Variants in AGK observed in about 807,000 individuals in gnomAD.
AGK encodes the protein acylglycerol kinase.
Under a neutral mutation model 66.4 loss-of-function variants are expected in AGK, and 52 were observed. That is an observed-to-expected ratio of 0.78 (90% CI 0.63 to 0.99). The LOEUF is 0.99. Ranked by LOEUF, AGK falls within the 50% of genes least tolerant of loss-of-function variation. The probability of loss-of-function intolerance (pLI) is 0.00; values close to 1 mark genes in which losing one functional copy is unlikely to be tolerated. For missense variants in AGK, 451 were observed against 506.6 expected, an observed-to-expected ratio of 0.89 and a Z score of 1.05; for synonymous variants, 182 against 181.1, an observed-to-expected ratio of 1.00 and a Z score of -0.04.
At chr7:141,628,545 G>A (rs1458625144) in intron 9 of AGK, among the ~76,000 whole-genome samples, 1 of 152,050 alleles carries the variant, frequency 6.6e-6, no homozygotes, top group Non-Finnish European at 1.5e-5. Flanking sequence ...TATATCTGAC[G>A]ATTCTCCATA....
intron 8 of AGK, among the ~76,000 whole-genome samples, chr7:141,618,640 T>G (rs1387014948): frequency 6.6e-6 from 1 of 152,170 alleles, no homozygotes; most frequent in Non-Finnish European, 1.5e-5. Flanking sequence ...AGAAAAGTTT[T>G]TTTTGTTTGT....
At chr7:141,649,232 G>A (rs1164635438) in intron 13 of AGK, 31 bp from the exon 14 acceptor site, 22 of 1,534,014 alleles carry the variant, frequency 1.4e-5, no homozygotes, top group Non-Finnish European at 2.0e-5. Flanking sequence ...AATTTTAAGA[G>A]TAATGACGTT....
chr7:141,636,963 C>T lies in AGK; in HGVS notation c.672C>T (p.Tyr224=), dbSNP rs771945804. Residue 224 remains tyrosine (Y), a synonymous_variant, in exon 11 of 16, where the codon TAC becomes TAT. Transcript: ENST00000649286. ...FRDAGVKVSK[Y]WYLGPLKIKA... ...TTTTATCTTGGTCTTTTCACAGGTA[C>T]TGGTATCTTGGGCCTCTAAAAATCA... 6.2e-7 allele frequency: 1 copy of T among 1,611,906 alleles called. No homozygotes were observed. Among genetic ancestry groups the T allele is most frequent in the African/African-American group, 1.3e-5 (1 of 74,940 alleles).
intron 5 of AGK, among the ~76,000 whole-genome samples, chr7:141,602,496 T>G (rs1168964847): frequency 6.6e-6 from 1 of 152,164 alleles, no homozygotes; most frequent in Non-Finnish European, 1.5e-5. Flanking sequence ...TCATAATATC[T>G]TCTATTTAAC....
chr7:141,572,645 A>G (rs915223428), intron 2 of AGK, among the ~76,000 whole-genome samples: 17 of 152,216 alleles, frequency 1.1e-4, no homozygotes, highest in African/African-American at 4.1e-4. Context: ...GACTGGGCAT[A>G]TGATTGAAGG....
chr7:141,572,717 TAAG>T (rs924494698), intron 2 of AGK, among the ~76,000 whole-genome samples: 3 of 152,154 alleles, frequency 2.0e-5, no homozygotes, highest in Middle Eastern at 6.8e-3. Context: ...GATATAGAAA[TAAG>T]AAAGTTGCCA....
At chr7:141,632,092 G>A (rs1323562014) in intron 9 of AGK, among the ~76,000 whole-genome samples, 2 of 152,000 alleles carry the variant, frequency 1.3e-5, no homozygotes, top group South Asian at 2.1e-4. Context: ...TTAGCTGGGC[G>A]TGGTGGCGTG....
intron 10 of AGK, 36 bp downstream of exon 10, chr7:141,634,016 A>T (rs560433337): frequency 1.8e-5 from 28 of 1,551,580 alleles, no homozygotes; most frequent in Middle Eastern, 3.4e-4. Flanking sequence ...GATGTTTTTT[A>T]AAAAAATCTT....
intron 2 of AGK, among the ~76,000 whole-genome samples, chr7:141,571,709 A>G (rs980948910): frequency 6.6e-6 from 1 of 152,166 alleles, no homozygotes; most frequent in African/African-American, 2.4e-5. Flanking sequence ...GCCCAATAGT[A>G]TGGATTTGAA....
At chr7:141,624,016 A>G (rs1562976957) in intron 9 of AGK, among the ~76,000 whole-genome samples, 1 of 152,102 alleles carries the variant, frequency 6.6e-6, no homozygotes, top group African/African-American at 2.4e-5. Context: ...ACATCTGTTT[A>G]CAGCATAGTT....
At chr7:141,561,983 G>A (rs1281737061) in intron 2 of AGK, 2 of 452,630 alleles carry the variant, frequency 4.4e-6, no homozygotes, top group Non-Finnish European at 8.9e-6. Context: ...TGGTGCTGGG[G>A]AATGTCTGAA....
chr7:141,587,071 C>A (rs1422197218), intron 2 of AGK, among the ~76,000 whole-genome samples: 1 of 152,218 alleles, frequency 6.6e-6, no homozygotes, highest in Non-Finnish European at 1.5e-5. Flanking sequence ...AGCTCAGTTT[C>A]CTCTCTCTCA....
At chr7:141,617,236 A>G (rs911015566) in intron 8 of AGK, among the ~76,000 whole-genome samples, 1 of 152,060 alleles carries the variant, frequency 6.6e-6, no homozygotes, top group Non-Finnish European at 1.5e-5. Context: ...CCAAGGGTAG[A>G]CCATTTTCCT....
At position 141,652,925 on chromosome 7, in the gene AGK, G is replaced by A. The variant is rs1797600598; in HGVS notation, c.*1G>A. 1 of 1,613,902 alleles carries A rather than the reference G, an allele frequency of 6.2e-7. No individual in the cohort carries two copies. The highest frequency in any genetic ancestry group is 1.1e-5 in the South Asian group (1 of 91,064). On this transcript the variant is annotated 3_prime_UTR_variant, in exon 16 of 16. Coordinates refer to ENST00000649286, the MANE Select transcript of AGK (RefSeq NM_018238.4). ...GATGCTCACAAGCCCCACCCAGTGAGCAGCAGAAGACAAGCACTCTGAGAC... is the reference window on the plus strand; with the variant it reads ...GATGCTCACAAGCCCCACCCAGTGAACAGCAGAAGACAAGCACTCTGAGAC...
At chr7:141,648,375 G>A (rs905023994) in intron 13 of AGK, among the ~76,000 whole-genome samples, 5 of 152,170 alleles carry the variant, frequency 3.3e-5, no homozygotes, top group Admixed American at 1.3e-4. Context: ...GGTTCATGGT[G>A]CATGACTGGC....
At chr7:141,561,085 G>A (rs756180722) in intron 2 of AGK, among the ~76,000 whole-genome samples, 20 of 152,142 alleles carry the variant, frequency 1.3e-4, no homozygotes, top group South Asian at 6.2e-4. Flanking sequence ...GAGCCACCGC[G>A]CCCGGCCCAT....
chr7:141,567,529 A>G (rs1176591353), intron 2 of AGK, among the ~76,000 whole-genome samples: 1 of 152,028 alleles, frequency 6.6e-6, no homozygotes, highest in East Asian at 1.9e-4. Context: ...CCCTCTGCAT[A>G]ATTTCCCCTC....
intron 2 of AGK, among the ~76,000 whole-genome samples, chr7:141,564,303 A>G (rs1458905014): frequency 6.6e-6 from 1 of 152,230 alleles, no homozygotes; most frequent in Non-Finnish European, 1.5e-5. Flanking sequence ...TTTAAAGGAA[A>G]GAGGTTTAAT....
At chr7:141,596,864 T>C in intron 4 of AGK, 1 of 524,918 alleles carries the variant, frequency 1.9e-6, no homozygotes, top group Non-Finnish European at 3.4e-6. Context: ...TAATAATCAT[T>C]CCATGATTAA....
Sources: gnomAD v4.1 joint callset for allele counts (sites outside exome capture counted in the v4.1 genomes callset) on GRCh38, gnomAD v4.1.1 for gene constraint, MANE v1.5 for transcripts, NCBI Gene and HGNC (gene_info 2026-07-23, HGNC 2026-07-21) for gene names.